Variants in RBFOX1 observed in about 807,000 individuals in gnomAD.
RBFOX1 encodes the protein RNA binding protein fox-1 homolog 1.
A neutral mutation model predicts 57.7 loss-of-function variants in RBFOX1; 8 were observed. The observed-to-expected ratio is 0.14, with a 90% CI of 0.08 to 0.25. The LOEUF (loss-of-function observed/expected upper bound fraction) is 0.25. Ranked by LOEUF, RBFOX1 falls within the 10% of genes least tolerant of loss-of-function variation. The pLI, the probability that RBFOX1 is intolerant of heterozygous loss-of-function variation, is 1.00. For missense variants in RBFOX1, 611 were observed against 548.5 expected (o/e 1.11, Z -1.14); for synonymous variants, 326 against 222.4 (o/e 1.47, Z -4.15).
At chr16:6,972,502 G>T (rs533267019) in intron 3 of RBFOX1, among the ~76,000 whole-genome samples, 68 of 152,222 alleles carry the variant, frequency 4.5e-4, no homozygotes, top group Non-Finnish European at 8.1e-4. Context: ...TGGACATTTG[G>T]GTTGCCGCCA....
At chr16:7,426,444 C>T (rs557069437) in intron 4 of RBFOX1, among the ~76,000 whole-genome samples, 9 of 152,286 alleles carry the variant, frequency 5.9e-5, no homozygotes, top group African/African-American at 2.2e-4. Context: ...TGCATTAGCC[C>T]AGCTCTTAGC....
intron 2 of RBFOX1, among the ~76,000 whole-genome samples, chr16:6,435,313 G>GTTTTTGTTTTT (rs2094204227): frequency 6.6e-6 from 1 of 151,942 alleles, no homozygotes; most frequent in Non-Finnish European, 1.5e-5. Context: ...TTTTGTTTTT[G>GTTTTTGTTTTT]TTTTTGAGAC....
chr16:6,006,308 C>G lies in RBFOX1; in HGVS notation c.351+138973C>G, dbSNP rs140091028. On this transcript the variant is annotated intron_variant, in intron 4 of 19. Coordinates refer to the RBFOX1 transcript ENST00000641259. ...ACCAAGTCACAGTGATGGTTCAGCC[C>G]CGGGTATGTGATCCCATCTGGACCA... 2.4e-4 allele frequency among the ~76,000 whole-genome samples: 36 copies of G among 152,108 alleles called. No homozygotes were observed. The East Asian group carries it at 4.9e-3, about 21-fold the overall frequency.
At chr16:7,155,177 T>A (rs2076840805) in intron 4 of RBFOX1, among the ~76,000 whole-genome samples, 1 of 152,180 alleles carries the variant, frequency 6.6e-6, no homozygotes, top group Non-Finnish European at 1.5e-5. Context: ...ACCACAAGAT[T>A]TATTTTAAAA....
chr16:7,245,352 T>G (rs981273789), intron 4 of RBFOX1, among the ~76,000 whole-genome samples: 6 of 152,162 alleles, frequency 3.9e-5, no homozygotes, highest in African/African-American at 1.4e-4. Flanking sequence ...CCAAGATACA[T>G]GTACAGGATG....
intron 4 of RBFOX1, among the ~76,000 whole-genome samples, chr16:5,896,265 C>A (rs914663333): frequency 6.6e-6 from 1 of 152,138 alleles, no homozygotes; most frequent in Non-Finnish European, 1.5e-5. Flanking sequence ...AAACCTCATG[C>A]TGAAAGTTGA....
intron 4 of RBFOX1, among the ~76,000 whole-genome samples, chr16:7,499,374 C>G (rs558080143): frequency 6.6e-6 from 1 of 152,298 alleles, no homozygotes; most frequent in South Asian, 2.1e-4. Flanking sequence ...GCTACTCAGG[C>G]ATGACCTCAT....
At chr16:6,634,930 A>C (rs1207207910) in intron 2 of RBFOX1, among the ~76,000 whole-genome samples, 2 of 140,516 alleles carry the variant, frequency 1.4e-5, no homozygotes, top group African/African-American at 5.1e-5. Context: ...AATATAATAT[A>C]ATTTAAATTA....
intron 1 of RBFOX1, among the ~76,000 whole-genome samples, chr16:6,145,896 G>T (rs1186649823): frequency 6.6e-6 from 1 of 152,170 alleles, no homozygotes; most frequent in Non-Finnish European, 1.5e-5. Flanking sequence ...CCTGGGGCAG[G>T]TATTTTGACT....
chr16:7,182,024 A>G (rs973300782), intron 4 of RBFOX1, among the ~76,000 whole-genome samples: 2 of 152,252 alleles, frequency 1.3e-5, no homozygotes, highest in African/African-American at 4.8e-5. Flanking sequence ...TCTAATATAC[A>G]TGACACAAAT....
chr16:6,957,906 C>T (rs960859609), intron 3 of RBFOX1, among the ~76,000 whole-genome samples: 4 of 152,124 alleles, frequency 2.6e-5, no homozygotes, highest in Admixed American at 2.0e-4. Flanking sequence ...CTCCCTTTTC[C>T]ATGCAGGACA....
chr16:7,301,448 CTT>C (rs1478543043), intron 4 of RBFOX1, among the ~76,000 whole-genome samples: 1 of 152,166 alleles, frequency 6.6e-6, no homozygotes, highest in Non-Finnish European at 1.5e-5. Context: ...ACTGTGAAAA[CTT>C]AAGTTTAAGG....
intron 4 of RBFOX1, among the ~76,000 whole-genome samples, chr16:7,437,074 C>G (rs182931858): frequency 1.3e-5 from 2 of 152,226 alleles, no homozygotes; most frequent in South Asian, 2.1e-4. Context: ...GAGCGAGACT[C>G]TGTCTCAAAA....
chr16:5,803,397 T>C (rs1478746523), intron 3 of RBFOX1, among the ~76,000 whole-genome samples: 1 of 152,202 alleles, frequency 6.6e-6, no homozygotes, highest in Non-Finnish European at 1.5e-5. Context: ...AACTTGTGGA[T>C]TCTGATCCCA....
chr16:7,637,496 G>T (rs998322259), intron 11 of RBFOX1, among the ~76,000 whole-genome samples: 1 of 152,114 alleles, frequency 6.6e-6, no homozygotes, highest in African/African-American at 2.4e-5. Context: ...CATAAATCAG[G>T]CCTGTACTAT....
intron 4 of RBFOX1, among the ~76,000 whole-genome samples, chr16:7,079,670 A>G (rs540121797): frequency 1.6e-4 from 25 of 152,294 alleles, no homozygotes; most frequent in Non-Finnish European, 3.2e-4. Context: ...GAGAGTGAAA[A>G]GTAAACATTT....
At chr16:7,423,730 A>T (rs2149415358) in intron 4 of RBFOX1, among the ~76,000 whole-genome samples, 1 of 152,284 alleles carries the variant, frequency 6.6e-6, no homozygotes, top group East Asian at 1.9e-4. Flanking sequence ...TTTCTTTTCC[A>T]CATTATGTAT....
intron 3 of RBFOX1, among the ~76,000 whole-genome samples, chr16:5,747,060 T>C (rs9929010): frequency 0.47 from 70,997 of 152,052 alleles, 16,976 homozygotes; most frequent in East Asian, 0.59. Context: ...TGCATCCCAT[T>C]AATACCTAAT....
At chr16:7,302,812 C>T (rs572132362) in intron 4 of RBFOX1, among the ~76,000 whole-genome samples, 2 of 150,162 alleles carry the variant, frequency 1.3e-5, no homozygotes, top group East Asian at 3.9e-4. Flanking sequence ...ATTTGCAGAT[C>T]ACATCCTATT....
Sources: allele counts gnomAD v4.1 joint callset (sites outside exome capture counted in the v4.1 genomes callset), GRCh38; gene constraint gnomAD v4.1.1; transcripts MANE v1.5; gene names NCBI Gene and HGNC (gene_info 2026-07-23, HGNC 2026-07-21).